ADAMTS2: variants seen among roughly 807,000 people sequenced by gnomAD.
ADAMTS2 encodes A disintegrin and metalloproteinase with thrombospondin motifs 2.
In ADAMTS2, 50 loss-of-function variants were observed where a neutral mutation model predicts 123.0. The observed-to-expected ratio is 0.41, with a 90% CI of 0.32 to 0.51. The LOEUF is 0.51. Ranked by LOEUF, ADAMTS2 falls within the 20% of genes least tolerant of loss-of-function variation. The pLI is 0.35. For missense variants in ADAMTS2, 1,494 were observed against 1,705.2 expected, an observed-to-expected ratio of 0.88 and a Z score of 2.18; for synonymous variants, 678 against 695.4, an observed-to-expected ratio of 0.98 and a Z score of 0.39.
intron 3 of ADAMTS2, among the ~76,000 whole-genome samples, chr5:179,232,253 C>A (rs191278588): frequency 6.6e-6 from 1 of 152,174 alleles, no homozygotes; most frequent in African/African-American, 2.4e-5. Context: ...ATCAAATCTC[C>A]GACTATGCCC....
chr5:179,223,666 TCA>T (rs1419594377), intron 3 of ADAMTS2, among the ~76,000 whole-genome samples: 7 of 146,012 alleles, frequency 4.8e-5, no homozygotes, highest in East Asian at 3.9e-4. Flanking sequence ...AGACGCACAC[TCA>T]CACATGAATG....
At position 179,250,588 on chromosome 5, in the gene ADAMTS2, T is replaced by C. The variant is rs78125043; in HGVS notation, c.688+22323A>G. ...AAAGATTAAACAATGATCTACTCCTTACCTCTGTTCTCAGAGCCATTTCCA... is the reference window on the plus strand; with the variant it reads ...AAAGATTAAACAATGATCTACTCCTCACCTCTGTTCTCAGAGCCATTTCCA... On this transcript the variant is annotated intron_variant, in intron 3 of 21. Coordinates refer to ENST00000251582, the MANE Select transcript of ADAMTS2 (RefSeq NM_014244.5). Among the ~76,000 whole-genome samples, 870 of 152,334 alleles carry C rather than the reference T, an allele frequency of 5.7e-3. 12 individuals carry two copies. The highest frequency in any genetic ancestry group is 0.02 in the African/African-American group (832 of 41,570).
Position 179,128,400 on chromosome 5 carries a change from G to C in ADAMTS2, c.2458-282C>G, listed in dbSNP as rs1449439109. Among the ~76,000 whole-genome samples the C allele has an allele frequency of 6.6e-6, 1 of 152,028 alleles. No homozygotes were observed. The highest frequency in any genetic ancestry group is 1.9e-4 in the East Asian group (1 of 5,194). ...TCTGTTTATTTTTTTGTTTGTTTTT[G>C]TTTGTTTTTGAGATGGAGTTTCGCT... On this transcript the variant is annotated intron_variant, in intron 16 of 21. Coordinates refer to ENST00000251582, the MANE Select transcript of ADAMTS2 (RefSeq NM_014244.5). The surrounding 1 kb of genome is among the most constrained non-coding windows in gnomAD (Gnocchi z 4.9).
At chr5:179,173,289 G>T (rs910235352) in intron 5 of ADAMTS2, among the ~76,000 whole-genome samples, 3 of 151,596 alleles carry the variant, frequency 2.0e-5, no homozygotes, top group Admixed American at 2.0e-4. Flanking sequence ...ATTCAGTAAA[G>T]TACAAAGAAG....
At chr5:179,241,761 T>G (rs1418113007) in intron 3 of ADAMTS2, among the ~76,000 whole-genome samples, 3 of 152,240 alleles carry the variant, frequency 2.0e-5, no homozygotes, top group Non-Finnish European at 2.9e-5. Flanking sequence ...TCTTTTTAAG[T>G]TCTGAGTATG....
rs985597110 is a variant in ADAMTS2, at chr5:179,188,466, C to T, written c.892-7311G>A. Among the ~76,000 whole-genome samples the T allele has an allele frequency of 6.6e-5, 10 of 152,192 alleles. No homozygotes were observed. Among genetic ancestry groups the T allele is most frequent in the African/African-American group, 1.2e-4 (5 of 41,458 alleles). On this transcript the variant is annotated intron_variant, in intron 4 of 21. Transcript: ENST00000251582. This position sits in a 1 kb window ranked among gnomAD's most constrained non-coding sequence, Gnocchi z 5.1. ...GTTTAGGCATTGCATGGTGCCTAAA[C>T]GGGGCTGCCAGAGCCTGGGCTTATC...
chr5:179,146,925 GC>G (rs948842697), intron 10 of ADAMTS2, among the ~76,000 whole-genome samples: 1 of 152,104 alleles, frequency 6.6e-6, no homozygotes, highest in African/African-American at 2.4e-5. Context: ...ACATTCCCAA[GC>G]CACTTTCAAA....
chr5:179,240,569 G>T (rs558050606), intron 3 of ADAMTS2, among the ~76,000 whole-genome samples: 1 of 152,206 alleles, frequency 6.6e-6, no homozygotes, highest in Non-Finnish European at 1.5e-5. Context: ...TATAGGGGCC[G>T]CTGGCAAAAG....
intron 5 of ADAMTS2, among the ~76,000 whole-genome samples, chr5:179,179,819 T>C (rs893127378): frequency 1.7e-4 from 26 of 152,364 alleles, no homozygotes; most frequent in South Asian, 1.2e-3. Flanking sequence ...CATTTTTACA[T>C]CGTGTGCCTT....
intron 10 of ADAMTS2, among the ~76,000 whole-genome samples, chr5:179,149,470 T>C (rs3822599): frequency 0.62 from 94,644 of 152,004 alleles, 29,549 homozygotes; most frequent in South Asian, 0.65. Context: ...CCTGGCACCG[T>C]GGAAGGCTGC....
chr5:179,279,117 G>T (rs1766822031), intron 2 of ADAMTS2, among the ~76,000 whole-genome samples: 1 of 151,954 alleles, frequency 6.6e-6, no homozygotes, highest in Non-Finnish European at 1.5e-5. Context: ...GCCATCAGCA[G>T]CCTCCCACCT....
At chr5:179,333,189 G>T (rs1757524269) in intron 2 of ADAMTS2, among the ~76,000 whole-genome samples, 1 of 152,124 alleles carries the variant, frequency 6.6e-6, no homozygotes, top group Non-Finnish European at 1.5e-5. Flanking sequence ...TCCACCTCAA[G>T]CCCCCCATGG....
intron 17 of ADAMTS2, among the ~76,000 whole-genome samples, chr5:179,126,580 CAT>C (rs1762862764): frequency 6.6e-6 from 1 of 152,248 alleles, no homozygotes; most frequent in Non-Finnish European, 1.5e-5. Context: ...ACGTCTGGGA[CAT>C]GTTTGGTTGT....
intron 4 of ADAMTS2, among the ~76,000 whole-genome samples, chr5:179,184,425 C>T (rs530362838): frequency 6.7e-6 from 1 of 149,942 alleles, no homozygotes; most frequent in Admixed American, 6.7e-5. Flanking sequence ...GCAGGAGAAT[C>T]ACTTGAACCC....
intron 2 of ADAMTS2, among the ~76,000 whole-genome samples, chr5:179,319,735 G>A (rs1757103800): frequency 6.6e-6 from 1 of 151,890 alleles, no homozygotes; most frequent in Non-Finnish European, 1.5e-5. Context: ...CTCTGTTGAG[G>A]CAAAAAGCTG....
intron 3 of ADAMTS2, among the ~76,000 whole-genome samples, chr5:179,247,635 A>G (rs959923855): frequency 6.6e-6 from 1 of 152,224 alleles, no homozygotes; most frequent in African/African-American, 2.4e-5. Context: ...ACGAGAGAGG[A>G]GCAGCTTGCC....
rs1419666088 is a variant in ADAMTS2 at position 179,180,797 on chromosome 5, G to A, written c.975+275C>T. On this transcript the variant is annotated intron_variant, in intron 5 of 21. Coordinates refer to ENST00000251582, the MANE Select transcript of ADAMTS2 (RefSeq NM_014244.5). The surrounding 1 kb of genome is among the most constrained non-coding windows in gnomAD (Gnocchi z 4.6). Reference sequence around the variant, plus strand: ...CCTCTGCCTCCTGACCACCCCTGGTGCCTCCCTGTGTGGCCCCCGTGGCCT... The same window carrying A: ...CCTCTGCCTCCTGACCACCCCTGGTACCTCCCTGTGTGGCCCCCGTGGCCT... Among the ~76,000 whole-genome samples, 4 of 152,170 alleles carry A rather than the reference G, an allele frequency of 2.6e-5. No homozygotes were observed. The highest frequency in any genetic ancestry group is 5.9e-5 in the Non-Finnish European group (4 of 68,028).
At chr5:179,339,926 C>G (rs555665668) in intron 2 of ADAMTS2, among the ~76,000 whole-genome samples, 4 of 152,364 alleles carry the variant, frequency 2.6e-5, no homozygotes, top group African/African-American at 9.6e-5. Context: ...CTTAGGCCGG[C>G]TTCTGACTTC....
intron 2 of ADAMTS2, among the ~76,000 whole-genome samples, chr5:179,327,356 G>A (rs1056382830): frequency 1.3e-5 from 2 of 152,118 alleles, no homozygotes; most frequent in East Asian, 1.9e-4. Context: ...GAATCTACTC[G>A]CCAGCCTTCT....
Sources: gnomAD v4.1 joint callset for allele counts (sites outside exome capture counted in the v4.1 genomes callset) on GRCh38, gnomAD v4.1.1 for gene constraint, Gnocchi (gnomAD v3.1) non-coding constraint, MANE v1.5 for transcripts, NCBI Gene and HGNC (gene_info 2026-07-23, HGNC 2026-07-21) for gene names.